The following ZNF33A variants were observed in gnomAD, a reference collection of about 807,000 sequenced individuals.
ZNF33A encodes brain my041 protein.
ZNF33A carries 9 observed loss-of-function variants against 15.9 expected under a neutral mutation model. The observed-to-expected ratio is 0.57, with a 90% CI of 0.34 to 0.99. ZNF33A has a LOEUF of 0.99. ZNF33A is among the 50% of genes least tolerant of loss of function. The pLI, the probability that ZNF33A is intolerant of heterozygous loss-of-function variation, is 0.02. For synonymous variants in ZNF33A, 294 were observed against 324.2 expected (o/e 0.91, Z 1.00); for missense variants, 843 against 941.6 (o/e 0.90, Z 1.37).
intron 4 of ZNF33A, among the ~76,000 whole-genome samples, chr10:38,052,564 GTAAT>G (rs1267490753): frequency 6.6e-6 from 1 of 152,094 alleles, no homozygotes; most frequent in Non-Finnish European, 1.5e-5. Flanking sequence ...ATTCCATGTA[GTAAT>G]TAGCAGGATT....
At chr10:38,066,242 C>T (rs559856706), downstream of ZNF33A, among the ~76,000 whole-genome samples, 1 of 151,964 alleles carries the variant, frequency 6.6e-6, no homozygotes, top group Non-Finnish European at 1.5e-5. Flanking sequence ...CCAGCTATTT[C>T]TTTCTTAACT....
chr10:38,063,030 AAAGAG>A (rs2066673038), downstream of ZNF33A, among the ~76,000 whole-genome samples: 7 of 148,156 alleles, frequency 4.7e-5, no homozygotes, highest in East Asian at 8.4e-4. Context: ...AAAAAAAAAA[AAAGAG>A]GAAAAGTATC....
chr10:38,064,204 C>T, downstream of ZNF33A: 1 of 1,296,510 alleles, frequency 7.7e-7, no homozygotes, highest in Non-Finnish European at 1.1e-6. Context: ...TTCCAAACTA[C>T]CTTCCCACAA....
At chr10:38,037,435 T>A (rs957079079) in intron 4 of ZNF33A, among the ~76,000 whole-genome samples, 11 of 152,034 alleles carry the variant, frequency 7.2e-5, no homozygotes, top group African/African-American at 2.7e-4. Flanking sequence ...GCAAGTCTCC[T>A]GCCTCAGCCT....
downstream of ZNF33A, chr10:38,064,858 TC>T (rs1171802827): frequency 6.6e-6 from 1 of 151,860 alleles, no homozygotes; most frequent in Non-Finnish European, 1.5e-5. Flanking sequence ...CTGATGAAAA[TC>T]CATTTAAAGA....
intron 4 of ZNF33A, among the ~76,000 whole-genome samples, chr10:38,019,091 C>T (rs1365643137): frequency 6.6e-6 from 1 of 151,756 alleles, no homozygotes; most frequent in African/African-American, 2.4e-5. Flanking sequence ...CCAATTAACT[C>T]GTCATTTAGC....
At chr10:38,064,589 A>G (rs1174041494), downstream of ZNF33A, 1 of 153,456 alleles carries the variant, frequency 6.5e-6, no homozygotes, top group African/African-American at 2.4e-5. Flanking sequence ...TGATCTCCAG[A>G]GGAAAGGTCC....
chr10:38,040,007 A>T (rs1780565271), intron 4 of ZNF33A, among the ~76,000 whole-genome samples: 1 of 151,990 alleles, frequency 6.6e-6, no homozygotes, highest in Non-Finnish European at 1.5e-5. Flanking sequence ...TTACAGCTAC[A>T]AATCTCTAAG....
chr10:38,050,965 C>A (rs965538636), intron 4 of ZNF33A, among the ~76,000 whole-genome samples: 32 of 152,114 alleles, frequency 2.1e-4, no homozygotes, highest in South Asian at 4.1e-4. Context: ...AGCAAATATC[C>A]ACAGGCTTAG....
chr10:38,014,982 C>T (rs2064382376), intron 2 of ZNF33A, among the ~76,000 whole-genome samples: 2 of 152,004 alleles, frequency 1.3e-5, no homozygotes, highest in Admixed American at 1.3e-4. Flanking sequence ...AAGTGATTCT[C>T]CTGCCTCAGC....
At chr10:38,019,326 T>A (rs547408755) in intron 4 of ZNF33A, among the ~76,000 whole-genome samples, 1 of 152,224 alleles carries the variant, frequency 6.6e-6, no homozygotes, top group Non-Finnish European at 1.5e-5. Context: ...CATCATTTTT[T>A]ATGGCTGCAT....
intron 2 of ZNF33A, among the ~76,000 whole-genome samples, chr10:38,015,336 C>G (rs1337219345): frequency 1.3e-5 from 2 of 150,594 alleles, no homozygotes; most frequent in African/African-American, 4.9e-5. Flanking sequence ...TGGAGTTTTG[C>G]TCTTGTTACC....
At position 38,054,553 on chromosome 10, in the gene ZNF33A, T is replaced by C. The variant is rs1015071227; in HGVS notation, c.429T>C (p.Asp143=). The change falls in exon 5 of 5, where the codon GAT becomes GAC. Residue 143 remains aspartate, a synonymous_variant. Transcript: ENST00000432900. The part of the protein sequence containing the change: ...FPSRKMFCQC[D]SCGMSFNTVS... ...CCAGAAAAATGTTCTGTCAGTGTGA[T>C]TCATGTGGAATGAGTTTCAACACTG... The C allele has an allele frequency of 6.2e-7, 1 of 1,612,382 alleles. No homozygotes were observed. The highest frequency in any genetic ancestry group is 1.1e-5 in the South Asian group (1 of 90,552).
chr10:38,016,655 G>GT (rs1411431976), intron 2 of ZNF33A, among the ~76,000 whole-genome samples: 2 of 152,180 alleles, frequency 1.3e-5, no homozygotes, highest in African/African-American at 4.8e-5. Flanking sequence ...ATTAATCTTA[G>GT]TATTTCCAGC....
At chr10:38,012,200 T>C in intron 1 of ZNF33A, 98 bp from the exon 2 acceptor site, 2 of 1,214,520 alleles carry the variant, frequency 1.6e-6, no homozygotes, top group South Asian at 1.4e-5. Flanking sequence ...GGAAGCATTT[T>C]ACCTAGTGGG....
chr10:38,037,410 G>A (rs575264087), intron 4 of ZNF33A, among the ~76,000 whole-genome samples: 1 of 151,376 alleles, frequency 6.6e-6, no homozygotes, highest in African/African-American at 2.4e-5. Context: ...TGCAACCTCT[G>A]CCCCCTGGGT....
intron 4 of ZNF33A, among the ~76,000 whole-genome samples, chr10:38,022,657 CAAA>C (rs35295191): frequency 8.8e-5 from 8 of 90,932 alleles, no homozygotes; most frequent in East Asian, 3.5e-4. Flanking sequence ...AACTCTGTCT[CAAA>C]AAAAAAAAAA....
chr10:38,064,238 C>A, downstream of ZNF33A: 2 of 849,848 alleles, frequency 2.4e-6, no homozygotes, highest in Non-Finnish European at 3.7e-6. Context: ...GTCACATCTC[C>A]AACACTAGCA....
intron 2 of ZNF33A, chr10:38,015,954 C>A: frequency 8.1e-7 from 1 of 1,228,682 alleles, no homozygotes; most frequent in Non-Finnish European, 1.0e-6. Flanking sequence ...CTTTGGCTCT[C>A]CCATTTTCAC....
Sources: gnomAD v4.1 joint callset for allele counts (sites outside exome capture counted in the v4.1 genomes callset) on GRCh38, gnomAD v4.1.1 for gene constraint, MANE v1.5 for transcripts, NCBI Gene and HGNC (gene_info 2026-07-23, HGNC 2026-07-21) for gene names.